The following DGCR2 variants were observed in gnomAD, a reference collection of about 807,000 sequenced individuals.
DGCR2 encodes the protein DiGeorge syndrome critical region gene 2, also known as integral membrane protein DGCR2/IDD.
DGCR2 carries 24 observed loss-of-function variants against 51.6 expected under a neutral mutation model. That is an observed-to-expected ratio of 0.47 (90% CI 0.34 to 0.65). The LOEUF (loss-of-function observed/expected upper bound fraction) is 0.65, where lower values mean the gene tolerates loss of function less well. Ranked by LOEUF, DGCR2 falls within the 30% of genes least tolerant of loss-of-function variation. DGCR2 has a pLI of 0.01. For missense variants in DGCR2, 765 were observed against 772.1 expected (o/e 0.99, Z 0.11); for synonymous variants, 340 against 315.4 (o/e 1.08, Z -0.82).
Position 19,064,855 on chromosome 22 carries a change from G to T in DGCR2, c.541C>A (p.Gln181Lys), listed in dbSNP as rs771073836. The stretch of plus-strand genomic sequence containing the variant: ...CCCCAATCCAGGACTCACTTGCGCT[G>T]GTCCTTCCAACCAAAGCTCCGCTCG... Reference protein sequence around the residue: ...QPERSFGWKDQRKLWVGYQYV... With the variant: ...QPERSFGWKDKRKLWVGYQYV... The change falls in exon 4 of 10, where the codon CAG becomes AAG. Residue 181 changes from glutamine (Q) to lysine (K), a missense_variant. By Grantham distance (53) the Gln-to-Lys change is moderately conservative. Transcript: ENST00000263196. The T allele has an allele frequency of 6.2e-7, 1 of 1,613,520 alleles. No homozygotes were observed. The highest frequency in any genetic ancestry group is 1.3e-5 in the African/African-American group (1 of 75,058).
intron 1 of DGCR2, among the ~76,000 whole-genome samples, chr22:19,105,004 C>T (rs888323253): frequency 4.6e-5 from 7 of 152,146 alleles, no homozygotes; most frequent in African/African-American, 1.7e-4. Context: ...CCTGGGCCAG[C>T]CATCTCTTCT....
chr22:19,079,564 A>G (rs2082913964), intron 2 of DGCR2, among the ~76,000 whole-genome samples: 1 of 152,240 alleles, frequency 6.6e-6, no homozygotes. Context: ...AAGTTTTATT[A>G]CATGAATAAA....
intron 9 of DGCR2, among the ~76,000 whole-genome samples, chr22:19,040,011 C>T (rs1446169599): frequency 6.6e-6 from 1 of 152,180 alleles, no homozygotes; most frequent in Non-Finnish European, 1.5e-5. Flanking sequence ...TGCGCCTGGG[C>T]TGCCTGCTTG....
intron 1 of DGCR2, among the ~76,000 whole-genome samples, chr22:19,111,231 T>C (rs967289543): frequency 6.6e-6 from 1 of 152,152 alleles, no homozygotes; most frequent in South Asian, 2.1e-4. Context: ...CTGGCCTGAA[T>C]TGATCACCCA....
intron 5 of DGCR2, among the ~76,000 whole-genome samples, chr22:19,062,755 G>GCACA (rs1569052599): frequency 7.3e-6 from 1 of 136,334 alleles, no homozygotes; most frequent in Non-Finnish European, 1.7e-5. Flanking sequence ...TAAAATCTTT[G>GCACA]CGCACACACA....
intron 2 of DGCR2, among the ~76,000 whole-genome samples, chr22:19,083,006 G>A (rs1424976500): frequency 2.0e-5 from 3 of 151,304 alleles, no homozygotes; most frequent in Non-Finnish European, 4.4e-5. Flanking sequence ...AGGATGGCTT[G>A]AGCCCAGGAG....
chr22:19,082,951 G>C (rs2082957509), intron 2 of DGCR2, among the ~76,000 whole-genome samples: 1 of 151,890 alleles, frequency 6.6e-6, no homozygotes, highest in African/African-American at 2.4e-5. Flanking sequence ...GCCGGGCATG[G>C]TGGTGCACGC....
intron 5 of DGCR2, among the ~76,000 whole-genome samples, chr22:19,062,916 A>C (rs886566693): frequency 1.3e-5 from 2 of 151,894 alleles, no homozygotes; most frequent in Non-Finnish European, 2.9e-5. Flanking sequence ...GCTCATTTTT[A>C]TACTCCAAGG....
chr22:19,120,446 T>A lies in DGCR2; in HGVS notation c.79+1682A>T, dbSNP rs959173993. 3.9e-5 allele frequency among the ~76,000 whole-genome samples: 6 copies of A among 152,264 alleles called. No individual in the cohort carries two copies. In the East Asian group the frequency reaches 1.2e-3, roughly 29 times the overall value. On this transcript the variant is annotated intron_variant, in intron 1 of 9. Transcript: ENST00000263196. ...GCCTCTGTTCCACATCAGGCACTCC[T>A]AAAAGGAGGGGCTTGTTCTTGTCAC...
At chr22:19,066,778 G>C (rs1175024038) in intron 3 of DGCR2, among the ~76,000 whole-genome samples, 2 of 152,200 alleles carry the variant, frequency 1.3e-5, no homozygotes, top group Non-Finnish European at 2.9e-5. Flanking sequence ...ACTTGGTGGA[G>C]TTGCTTACTA....
intron 2 of DGCR2, among the ~76,000 whole-genome samples, chr22:19,082,184 GACT>G (rs113710721): frequency 0.23 from 33,967 of 146,636 alleles, 4,466 homozygotes; most frequent in African/African-American, 0.36. Flanking sequence ...GAGAAGCTGG[GACT>G]ACAAGTGTGT....
intron 5 of DGCR2, among the ~76,000 whole-genome samples, chr22:19,058,604 A>C (rs1188723495): frequency 6.6e-6 from 1 of 152,220 alleles, no homozygotes; most frequent in Non-Finnish European, 1.5e-5. Context: ...GTCCCGTGGC[A>C]AGAAAACCAA....
chr22:19,099,365 A>C (rs865836697), intron 1 of DGCR2, among the ~76,000 whole-genome samples: 1 of 151,302 alleles, frequency 6.6e-6, no homozygotes, highest in Non-Finnish European at 1.5e-5. Flanking sequence ...AGATTACTTA[A>C]GCCCAGGAGT....
chr22:19,104,148 A>T (rs2083236819), intron 1 of DGCR2, among the ~76,000 whole-genome samples: 1 of 152,130 alleles, frequency 6.6e-6, no homozygotes, highest in African/African-American at 2.4e-5. Context: ...GGATGAGAGA[A>T]AGGCAAATGA....
At chr22:19,100,210 A>G (rs1425074594) in intron 1 of DGCR2, among the ~76,000 whole-genome samples, 1 of 151,982 alleles carries the variant, frequency 6.6e-6, no homozygotes, top group Non-Finnish European at 1.5e-5. Context: ...GCGAGGTTGC[A>G]GTGAGCCAAG....
intron 2 of DGCR2, among the ~76,000 whole-genome samples, chr22:19,086,135 T>C (rs546357191): frequency 1.3e-5 from 2 of 152,298 alleles, no homozygotes; most frequent in South Asian, 2.1e-4. Context: ...TCTTTGTACA[T>C]TTTTATGACT....
chr22:19,049,094 G>A (rs761887507), intron 6 of DGCR2, among the ~76,000 whole-genome samples: 51 of 152,246 alleles, frequency 3.3e-4, no homozygotes, highest in Non-Finnish European at 6.6e-4. Flanking sequence ...CCAGGATGGA[G>A]CACAATGCCA....
intron 2 of DGCR2, among the ~76,000 whole-genome samples, chr22:19,071,727 T>C (rs1054714591): frequency 1.9e-4 from 29 of 152,232 alleles, no homozygotes; most frequent in Non-Finnish European, 7.3e-5. Context: ...GTAAAGGATG[T>C]TCTGGGGATA....
intron 1 of DGCR2, among the ~76,000 whole-genome samples, chr22:19,105,057 T>C (rs2083247623): frequency 6.6e-6 from 1 of 152,136 alleles, no homozygotes; most frequent in Non-Finnish European, 1.5e-5. Context: ...GCACGGTGGC[T>C]CATGCCTGTA....
Sources: allele counts gnomAD v4.1 joint callset (sites outside exome capture counted in the v4.1 genomes callset), GRCh38; gene constraint gnomAD v4.1.1; transcripts MANE v1.5; gene names NCBI Gene and HGNC (gene_info 2026-07-23, HGNC 2026-07-21).